The following EPHX3 variants were observed in gnomAD, a reference collection of about 807,000 sequenced individuals.
EPHX3 encodes the protein abhydrolase domain containing 9.
Under a neutral mutation model 40.2 loss-of-function variants are expected in EPHX3, and 39 were observed. That is an observed-to-expected ratio of 0.97 (90% CI 0.75 to 1.27). The LOEUF is 1.27. EPHX3 is among the 50% of genes most tolerant of loss of function. The pLI is 0.00. For missense variants in EPHX3, 442 were observed against 474.0 expected (o/e 0.93, Z 0.63); for synonymous variants, 213 against 209.7 (o/e 1.02, Z -0.14).
upstream of EPHX3, among the ~76,000 whole-genome samples, chr19:15,234,080 C>G (rs967210051): frequency 6.6e-6 from 1 of 151,192 alleles, no homozygotes; most frequent in Non-Finnish European, 1.5e-5. Context: ...AAAAAAGCAG[C>G]CAGCTTCTTC....
chr19:15,232,576 T>C, upstream of EPHX3: 2 of 489,138 alleles, frequency 4.1e-6, no homozygotes, highest in Non-Finnish European at 5.9e-6. Flanking sequence ...TGGGTGAGGG[T>C]CTAAAGGCGG....
At chr19:15,232,495 A>C, upstream of EPHX3, 70 of 1,166,806 alleles carry the variant, frequency 6.0e-5, no homozygotes, top group East Asian at 2.4e-4. Flanking sequence ...GGGGAAATAA[A>C]TGGGCGGGGC....
rs750035730 is a variant in EPHX3 at position 15,232,084 on chromosome 19, G to C, written c.128C>G (p.Ala43Gly). 4.5e-6 allele frequency: 7 copies of C among 1,564,502 alleles called. No homozygotes were observed. In the South Asian group the frequency reaches 8.0e-5, roughly 18 times the overall value. The change falls in exon 1 of 7, where the codon GCG becomes GGG. Residue 43 changes from alanine (A) to glycine (G), a missense_variant. Transcript: ENST00000221730. ...GGGCCGGCACAGCACGTGCGTGAGC[G>C]CTATGCAGCCGTAGACCGCCGCGGC... ...LVAAAVYGCI[A>G]LTHVLCRPRR...
At chr19:15,232,633 T>C (rs1263727060), upstream of EPHX3, among the ~76,000 whole-genome samples, 1 of 149,450 alleles carries the variant, frequency 6.7e-6, no homozygotes. Flanking sequence ...TCCCAGCACT[T>C]TGGTAGGCCG....
chr19:15,231,019 G>A lies in EPHX3; in HGVS notation c.559C>T (p.Pro187Ser), dbSNP rs775448229. 4 of 1,614,076 alleles carry A rather than the reference G, an allele frequency of 2.5e-6. No homozygotes were observed. In the Admixed American group the frequency reaches 6.7e-5, roughly 27 times the overall value. ...ACAACCATCCGCTCGACCAGGGATG[G>A]GTAGTAGATGGAGAAATGCCAGGCA... ...LLAWHFSIYYPSLVERMVVVS... is the reference protein window; with the variant it reads ...LLAWHFSIYYSSLVERMVVVS... The change falls in exon 4 of 7, where the codon CCA (proline) becomes TCA (serine). Residue 187 changes from proline (P) to serine (S), a missense_variant. Physicochemically the swap from Pro to Ser is moderately conservative, Grantham distance 74. Transcript: ENST00000221730.
Position 15,227,490 on chromosome 19 carries a change from G to C in EPHX3, c.1030C>G (p.Pro344Ala). ...CACATGTACTGGTGCATCTCCTGGG[G>C]GTTGCTCTGTGGGATCCAATGCCCT... ...GIGHWIPQSN[P>A]QEMHQYMWAF... The change falls in exon 7 of 7, where the codon CCC (proline) becomes GCC (alanine). Residue 344 changes from proline (P) to alanine (A), a missense_variant. Transcript: ENST00000221730. The C allele has an allele frequency of 6.2e-7, 1 of 1,614,154 alleles. No homozygotes were observed. Among genetic ancestry groups the C allele is most frequent in the Non-Finnish European group, 8.5e-7 (1 of 1,180,038 alleles).
In EPHX3 at chr19:15,228,503, A is replaced by ATTTTTTTT. The variant is rs780716729; in HGVS notation, c.617-411_617-404dup. On this transcript the variant is annotated intron_variant, in intron 4 of 6. Coordinates refer to ENST00000221730, the MANE Select transcript of EPHX3 (RefSeq NM_024794.3). Reference sequence around the variant, plus strand: ...ACTTAAGGAAACCCCTGTATCTATAATTTTTTTTTTTTTTTTTTTTTTTTT... The same window carrying ATTTTTTTT: ...ACTTAAGGAAACCCCTGTATCTATAATTTTTTTTTTTTTTTTTTTTTTTTTTTTTTTTT... Among the ~76,000 whole-genome samples, 22 of 62,742 alleles carry ATTTTTTTT rather than the reference A, an allele frequency of 3.5e-4. 3 individuals are homozygous for ATTTTTTTT. Among genetic ancestry groups the ATTTTTTTT allele is most frequent in the South Asian group, 1.6e-3 (2 of 1,262 alleles). 41.2% of individuals were successfully genotyped at this position (62,742 alleles called of 152,430 possible). A position where few individuals can be genotyped will look rare whatever the true frequency, so the allele number is the denominator to read the frequency against.
At chr19:15,232,520 G>T, upstream of EPHX3, 2 of 1,023,342 alleles carry the variant, frequency 2.0e-6, no homozygotes, top group Non-Finnish European at 2.5e-6. Context: ...CAGGTCCTGT[G>T]CGGGGCTTAG....
chr19:15,229,710 T>C (rs564785286), intron 4 of EPHX3, among the ~76,000 whole-genome samples: 23 of 149,842 alleles, frequency 1.5e-4, no homozygotes, highest in African/African-American at 5.2e-4. Context: ...TTGGCCAACA[T>C]GGTGAAACCC....
At chr19:15,229,073 G>C (rs1450149855) in intron 4 of EPHX3, among the ~76,000 whole-genome samples, 2 of 152,124 alleles carry the variant, frequency 1.3e-5, no homozygotes, top group Non-Finnish European at 2.9e-5. Flanking sequence ...GTCTAGATGG[G>C]GAGACAGACA....
upstream of EPHX3, among the ~76,000 whole-genome samples, chr19:15,233,606 G>A (rs2047170218): frequency 6.6e-6 from 1 of 152,278 alleles, no homozygotes; most frequent in African/African-American, 2.4e-5. Flanking sequence ...GGCCGAGGAG[G>A]CGTGGATACC....
chr19:15,232,020 G>C lies in EPHX3; in HGVS notation c.192C>G (p.Pro64=). The C allele has an allele frequency of 1.3e-6, 2 of 1,599,012 alleles. No individual in the cohort carries two copies. The highest frequency in any genetic ancestry group is 2.2e-5 in the South Asian group (2 of 90,578). ...GCCGRRRSAS[P]ACLSDPSLGE... ...CCAGCGAGGGGTCGCTCAGGCAGGC[G>C]GGGGACGCGCTCCGACGGCGCCCGC... Residue 64 remains proline (P), a synonymous_variant, in exon 1 of 7, where the codon CCC becomes CCG. Transcript: ENST00000221730.
At chr19:15,229,926 AAG>A (rs1458641937) in intron 4 of EPHX3, among the ~76,000 whole-genome samples, 16 of 148,778 alleles carry the variant, frequency 1.1e-4, no homozygotes, top group African/African-American at 4.0e-4. Context: ...AGAAAAGAAA[AAG>A]AAAAAAAACA....
At chr19:15,232,659 C>A (rs2047164318), upstream of EPHX3, among the ~76,000 whole-genome samples, 1 of 152,024 alleles carries the variant, frequency 6.6e-6, no homozygotes, top group Admixed American at 6.6e-5. Context: ...GGCGGATCAC[C>A]TGAGATCAAG....
Position 15,227,407 on chromosome 19 carries a change from C to T in EPHX3, c.*30G>A, listed in dbSNP as rs746898567. Reference sequence around the variant, plus strand: ...GGGTGTGTGTTCCTTCCTGAGTATCCATGCCTCCTGGGCAGGCCAGCAAGG... The same window carrying T: ...GGGTGTGTGTTCCTTCCTGAGTATCTATGCCTCCTGGGCAGGCCAGCAAGG... On this transcript the variant is annotated 3_prime_UTR_variant, in exon 7 of 7. Coordinates refer to ENST00000221730, the MANE Select transcript of EPHX3 (RefSeq NM_024794.3). 2 of 1,577,134 alleles carry T rather than the reference C, an allele frequency of 1.3e-6. No individual in the cohort carries two copies. Among genetic ancestry groups the T allele is most frequent in the African/African-American group, 1.3e-5 (1 of 74,084 alleles).
chr19:15,227,678 AC>A lies in EPHX3; in HGVS notation c.858-17del. The stretch of plus-strand genomic sequence containing the variant: ...GGGGAAGTTCCTGTGGCCAGGACAG[AC>A]AGACAGGCAGACAGACAGGCAGAAG... On this transcript the variant is annotated splice_polypyrimidine_tract_variant and intron_variant, in intron 6 of 6. Coordinates refer to ENST00000221730, the MANE Select transcript of EPHX3 (RefSeq NM_024794.3). 6.2e-7 allele frequency: 1 copy of A among 1,612,858 alleles called. No individual in the cohort carries two copies. Among genetic ancestry groups the A allele is most frequent in the South Asian group, 1.1e-5 (1 of 91,048 alleles).
chr19:15,236,511 G>C, upstream of EPHX3: 1 of 151,156 alleles, frequency 6.6e-6, no homozygotes, highest in Non-Finnish European at 1.5e-5. Flanking sequence ...TGGGGGGACA[G>C]GATGGAGTAG....
rs752531722 is a variant in EPHX3, at chr19:15,227,785, G to A, written c.843C>T (p.Tyr281=). Residue 281 remains tyrosine (Y), a synonymous_variant, in exon 6 of 7, where the codon TAC becomes TAT. Transcript: ENST00000221730. ...ACTGGTCTCACCTGAAGAGGTTTCG[G>A]TAGTAGTTGAGGGGCCCAGTGAGGC... The part of the protein sequence containing the change: ...PGGLTGPLNY[Y]RNLFRNFPLE... 6.2e-7 allele frequency: 1 copy of A among 1,613,968 alleles called. No homozygotes were observed. The highest frequency in any genetic ancestry group is 2.2e-5 in the East Asian group (1 of 44,872).
intron 4 of EPHX3, among the ~76,000 whole-genome samples, chr19:15,229,885 C>CA (rs546876108): frequency 0.016 from 150 of 9,370 alleles, 38 homozygotes; most frequent in Non-Finnish European, 0.023. Flanking sequence ...GACTCTGTCT[C>CA]AAAAAAAAAA....
Sources: allele counts gnomAD v4.1 joint callset (sites outside exome capture counted in the v4.1 genomes callset), GRCh38; gene constraint gnomAD v4.1.1; transcripts MANE v1.5; gene names NCBI Gene and HGNC (gene_info 2026-07-23, HGNC 2026-07-21).